The following TRAPPC9 variants were observed in gnomAD, a reference collection of about 807,000 sequenced individuals.
TRAPPC9 encodes trafficking protein particle complex subunit 9.
Under a neutral mutation model 124.0 loss-of-function variants are expected in TRAPPC9, and 83 were observed. The observed-to-expected ratio is 0.67, with a 90% CI of 0.56 to 0.80. The LOEUF is 0.80. Ranked by LOEUF, TRAPPC9 falls within the 30% of genes least tolerant of loss-of-function variation. The pLI is 0.00. For synonymous variants in TRAPPC9, 638 were observed against 617.5 expected (o/e 1.03, Z -0.49); for missense variants, 1,302 against 1,508.3 (o/e 0.86, Z 2.27).
chr8:140,232,236 C>T (rs1199882708), intron 16 of TRAPPC9, among the ~76,000 whole-genome samples: 1 of 151,994 alleles, frequency 6.6e-6, no homozygotes, highest in Non-Finnish European at 1.5e-5. Context: ...CTGCGCCTGA[C>T]CATAAATCAC....
In TRAPPC9 at chr8:140,115,323, A is replaced by G. The variant is rs556075952; in HGVS notation, c.2557-91244T>C. 1.7e-4 allele frequency among the ~76,000 whole-genome samples: 26 copies of G among 150,576 alleles called. No individual in the cohort carries two copies. The East Asian group carries it at 4.9e-3, about 28-fold the overall frequency. ...TGCTCTGTCGCCCAGGCTGGAGTGC[A>G]GTGGCGTGATCTAGGCTCACTGCAA... On this transcript the variant is annotated intron_variant, in intron 17 of 22. Transcript: ENST00000438773.
At chr8:139,968,557 G>A (rs55856468) in intron 19 of TRAPPC9, among the ~76,000 whole-genome samples, 20,372 of 152,226 alleles carry the variant, frequency 0.13, 1,574 homozygotes, top group African/African-American at 0.22. Flanking sequence ...AAAGTCACCC[G>A]CTCCTTAAGG....
chr8:139,971,748 T>C (rs4058395), intron 19 of TRAPPC9, among the ~76,000 whole-genome samples: 123,818 of 145,938 alleles, frequency 0.85, 52,684 homozygotes, highest in East Asian at 0.98. Flanking sequence ...CATATATATA[T>C]ACACACACAC....
At chr8:139,910,463 G>T (rs990016182) in intron 19 of TRAPPC9, among the ~76,000 whole-genome samples, 163 bp from the exon 20 acceptor site, 1 of 152,106 alleles carries the variant, frequency 6.6e-6, no homozygotes, top group Non-Finnish European at 1.5e-5. Flanking sequence ...GACTCCTAAG[G>T]TGGCCCTGAC....
chr8:140,048,395 C>T lies in TRAPPC9; in HGVS notation c.2557-24316G>A, dbSNP rs186242629. 1.1e-3 allele frequency among the ~76,000 whole-genome samples: 164 copies of T among 152,218 alleles called. 1 individual carries two copies. Among genetic ancestry groups the T allele is most frequent in the Non-Finnish European group, 1.8e-3 (122 of 68,014 alleles). ...GAAACAAATACTAACTCTTTAAGGG[C>T]CCACCTCTTGGGAGGAAGAGTAGGA... On this transcript the variant is annotated intron_variant, in intron 17 of 22. Transcript: ENST00000438773.
rs2070920271 is a variant in TRAPPC9, at chr8:140,439,108, T to C, written c.674A>G (p.His225Arg). ...QAGMLQDSLVHYHMSVELLRS... is the reference protein window; with the variant it reads ...QAGMLQDSLVRYHMSVELLRS... The stretch of plus-strand genomic sequence containing the variant: ...CAGCAGCTCCACCGACATGTGGTAA[T>C]GCACCAGGGAGTCCTGCAGCATCCC... Residue 225 changes from histidine (H) to arginine (R), a missense_variant, in exon 3 of 23, where the codon CAT (histidine) becomes CGT (arginine). By Grantham distance (29) the His-to-Arg change is conservative. Coordinates refer to ENST00000438773, the MANE Select transcript of TRAPPC9 (RefSeq NM_001160372.4). 1.2e-6 allele frequency: 2 copies of C among 1,614,242 alleles called. No individual in the cohort carries two copies. The highest frequency in any genetic ancestry group is 1.7e-6 in the Non-Finnish European group (2 of 1,180,030).
At chr8:140,402,366 C>A (rs748836046) in intron 6 of TRAPPC9, among the ~76,000 whole-genome samples, 6 of 151,382 alleles carry the variant, frequency 4.0e-5, no homozygotes, top group Admixed American at 2.0e-4. Flanking sequence ...CTACTGCACT[C>A]CAGACTGGGC....
At chr8:140,185,909 A>G (rs1207108699) in intron 17 of TRAPPC9, among the ~76,000 whole-genome samples, 2 of 152,166 alleles carry the variant, frequency 1.3e-5, no homozygotes, top group Non-Finnish European at 2.9e-5. Flanking sequence ...GGAGTCCAGG[A>G]GGCCCTCAAG....
chr8:140,350,084 A>G (rs1225015418), intron 9 of TRAPPC9, among the ~76,000 whole-genome samples: 1 of 152,234 alleles, frequency 6.6e-6, no homozygotes, highest in East Asian at 1.9e-4. Flanking sequence ...CTTTTGAGGG[A>G]ACAGTGGGAT....
intron 21 of TRAPPC9, among the ~76,000 whole-genome samples, chr8:139,733,946 G>A (rs770761669): frequency 4.8e-4 from 73 of 152,194 alleles, no homozygotes; most frequent in Non-Finnish European, 1.9e-4. Flanking sequence ...AGGTGTGGTT[G>A]GGCCTCCTGC....
intron 9 of TRAPPC9, among the ~76,000 whole-genome samples, chr8:140,337,526 A>G (rs1372293775): frequency 6.6e-6 from 1 of 152,200 alleles, no homozygotes; most frequent in Non-Finnish European, 1.5e-5. Flanking sequence ...AGGACTTGTC[A>G]ATCCAGAAAG....
intron 17 of TRAPPC9, among the ~76,000 whole-genome samples, chr8:140,183,413 G>C (rs1381053105): frequency 1.3e-5 from 2 of 152,256 alleles, no homozygotes; most frequent in Non-Finnish European, 2.9e-5. Flanking sequence ...ACTTAGGAAA[G>C]AGATGAATGC....
intron 17 of TRAPPC9, among the ~76,000 whole-genome samples, chr8:140,085,430 T>C (rs1844124036): frequency 6.6e-6 from 1 of 151,956 alleles, no homozygotes; most frequent in Admixed American, 6.6e-5. Flanking sequence ...ATAAAATCTC[T>C]CTCTTTAAAT....
At chr8:140,082,971 G>T (rs561067850) in intron 17 of TRAPPC9, among the ~76,000 whole-genome samples, 2 of 152,274 alleles carry the variant, frequency 1.3e-5, no homozygotes, top group Admixed American at 1.3e-4. Context: ...GAGGCAGGTG[G>T]ATCACAAGGT....
intron 5 of TRAPPC9, among the ~76,000 whole-genome samples, chr8:140,412,862 TG>T (rs148102084): frequency 0.026 from 3,994 of 152,030 alleles, 97 homozygotes; most frequent in Middle Eastern, 0.088. Context: ...CATATACAAC[TG>T]GGAATATAAA....
Position 140,252,654 on chromosome 8 carries a change from G to C in TRAPPC9, c.2431+123C>G. ...AACAAAGTGCCCAGGAGATGTCTCA[G>C]GCAGCTTGAGTTAATGAATGACAAG... is the stretch of plus-strand genomic sequence containing the variant. On this transcript the variant is annotated intron_variant, in intron 16 of 22. Coordinates refer to ENST00000438773, the MANE Select transcript of TRAPPC9 (RefSeq NM_001160372.4). The surrounding 1 kb of genome is among the most constrained non-coding windows in gnomAD (Gnocchi z 4.2). 1 of 1,155,970 alleles carries C rather than the reference G, an allele frequency of 8.7e-7. No individual in the cohort carries two copies. Among genetic ancestry groups the C allele is most frequent in the South Asian group, 1.3e-5 (1 of 79,644 alleles). The allele number at this position is 1,155,970 out of a possible 1,614,324, so 71.6% of individuals were successfully genotyped here. A position where few individuals can be genotyped will look rare whatever the true frequency, so the allele number is the denominator to read the frequency against.
intron 21 of TRAPPC9, among the ~76,000 whole-genome samples, chr8:139,801,805 A>G (rs1586874051): frequency 6.6e-6 from 1 of 152,126 alleles, no homozygotes; most frequent in African/African-American, 2.4e-5. Flanking sequence ...TCAAGCGCCA[A>G]TTAGCTAATA....
chr8:140,115,831 T>C (rs2060873890), intron 17 of TRAPPC9, among the ~76,000 whole-genome samples: 1 of 152,112 alleles, frequency 6.6e-6, no homozygotes, highest in South Asian at 2.1e-4. Context: ...CCCGGGGCCC[T>C]TGTTCTCCTT....
intron 18 of TRAPPC9, among the ~76,000 whole-genome samples, chr8:140,013,662 T>A (rs1839276471): frequency 6.6e-6 from 1 of 152,226 alleles, no homozygotes; most frequent in Non-Finnish European, 1.5e-5. Flanking sequence ...CAAAGCCGCC[T>A]GTGTTTACAA....
Sources: gnomAD v4.1 joint callset for allele counts (sites outside exome capture counted in the v4.1 genomes callset) on GRCh38, gnomAD v4.1.1 for gene constraint, Gnocchi (gnomAD v3.1) non-coding constraint, MANE v1.5 for transcripts, NCBI Gene and HGNC (gene_info 2026-07-23, HGNC 2026-07-21) for gene names.